The following TMEM204 variants were observed in gnomAD, a reference collection of about 807,000 sequenced individuals.
TMEM204 encodes transmembrane protein 204.
A neutral mutation model predicts 19.4 loss-of-function variants in TMEM204; 15 were observed. The observed-to-expected ratio is 0.77, with a 90% CI of 0.52 to 1.19. The LOEUF (loss-of-function observed/expected upper bound fraction) is 1.19, where lower values mean the gene tolerates loss of function less well. Ranked by LOEUF, TMEM204 falls within the 50% of genes most tolerant of loss-of-function variation. TMEM204 has a pLI of 0.00. For synonymous variants in TMEM204, 161 were observed against 146.0 expected (o/e 1.10, Z -0.74); for missense variants, 287 against 321.2 (o/e 0.89, Z 0.81).
At chr16:1,536,565 G>A (rs1018198400) in intron 1 of TMEM204, among the ~76,000 whole-genome samples, 4 of 152,190 alleles carry the variant, frequency 2.6e-5, no homozygotes, top group Non-Finnish European at 4.4e-5. Context: ...TTGTAAACGG[G>A]ACTCAGCTCA....
At chr16:1,530,531 C>T (rs565194114), upstream of TMEM204, among the ~76,000 whole-genome samples, 4 of 152,330 alleles carry the variant, frequency 2.6e-5, no homozygotes, top group Admixed American at 6.5e-5. Flanking sequence ...ACCTGCCCCG[C>T]GTGGCTCCTT....
At chr16:1,548,131 T>C (rs1192094763) in intron 2 of TMEM204, among the ~76,000 whole-genome samples, 4 of 152,238 alleles carry the variant, frequency 2.6e-5, no homozygotes, top group Admixed American at 6.5e-5. Flanking sequence ...AGAGGATTGT[T>C]TGGGTCACCG....
chr16:1,541,849 G>C, intron 1 of TMEM204, 72 bp from the exon 2 acceptor site: 1 of 1,477,170 alleles, frequency 6.8e-7, no homozygotes, highest in Non-Finnish European at 9.0e-7. Flanking sequence ...GACCACGAAA[G>C]TGGCGTGACG....
At position 1,555,516 on chromosome 16, in the gene TMEM204, G is replaced by A. The variant is rs560420280; in HGVS notation, c.*490G>A. 5.0e-5 allele frequency: 8 copies of A among 160,314 alleles called. No homozygotes were observed. The highest frequency in any genetic ancestry group is 1.1e-4 in the Non-Finnish European group (8 of 73,136). 9.9% of individuals were successfully genotyped at this position (160,314 alleles called of 1,614,324 possible). A position where few individuals can be genotyped will look rare whatever the true frequency, so the allele number is the denominator to read the frequency against. On this transcript the variant is annotated 3_prime_UTR_variant, in exon 3 of 3. Transcript: ENST00000566264. ...GATGGTTTCAGACAGAATCGTGTTC[G>A]TGTCTGTTTTGCTCGATTCTTTTCC... is the stretch of plus-strand genomic sequence containing the variant.
intron 1 of TMEM204, chr16:1,540,879 C>T: frequency 1.0e-6 from 1 of 985,444 alleles, no homozygotes; most frequent in Non-Finnish European, 1.2e-6. Flanking sequence ...GGGGCTGTTG[C>T]TTCACATGCA....
chr16:1,537,208 G>A (rs934628808), intron 1 of TMEM204, among the ~76,000 whole-genome samples: 2 of 151,416 alleles, frequency 1.3e-5, no homozygotes, highest in South Asian at 2.1e-4. Context: ...ACGTCACACC[G>A]CGTGCCTCCT....
At chr16:1,530,133 CTTTTTT>C (rs922819138), upstream of TMEM204, among the ~76,000 whole-genome samples, 2 of 88,584 alleles carry the variant, frequency 2.3e-5, no homozygotes, top group East Asian at 3.5e-4. Flanking sequence ...CGACGGGAAT[CTTTTTT>C]TTTTTTTTTT....
At chr16:1,531,833 C>G (rs982167808), upstream of TMEM204, 4 of 152,190 alleles carry the variant, frequency 2.6e-5, no homozygotes, top group African/African-American at 9.7e-5. The surrounding 1 kb of genome is among the most constrained non-coding windows in gnomAD (Gnocchi z 4.7). Flanking sequence ...GGAGTCTGGC[C>G]GTGGCCTCCT....
chr16:1,554,121 G>C (rs1396366112), intron 2 of TMEM204: 15 of 1,287,200 alleles, frequency 1.2e-5, no homozygotes, highest in Non-Finnish European at 1.4e-5. Context: ...TGACTCGGAA[G>C]TGAGGGAAGA....
At chr16:1,545,326 T>A (rs1337751786) in intron 2 of TMEM204, among the ~76,000 whole-genome samples, 1 of 152,136 alleles carries the variant, frequency 6.6e-6, no homozygotes, top group Admixed American at 6.5e-5. Flanking sequence ...GGGCCCCTGG[T>A]GTCTCGGTGG....
intron 1 of TMEM204, among the ~76,000 whole-genome samples, chr16:1,536,865 G>A (rs991883061): frequency 1.3e-5 from 2 of 152,168 alleles, no homozygotes; most frequent in Non-Finnish European, 1.5e-5. Context: ...CCCCACTCAC[G>A]TGCACCCATG....
chr16:1,542,255 G>C (rs1477196404), intron 2 of TMEM204, among the ~76,000 whole-genome samples, 179 bp downstream of exon 2: 1 of 152,258 alleles, frequency 6.6e-6, no homozygotes, highest in South Asian at 2.1e-4. Context: ...CTGTAGGCAA[G>C]AATGATGAAA....
chr16:1,537,987 G>A (rs554149235), intron 1 of TMEM204, among the ~76,000 whole-genome samples: 2 of 152,234 alleles, frequency 1.3e-5, no homozygotes, highest in Non-Finnish European at 2.9e-5. Flanking sequence ...CGTTCTCACC[G>A]ACACCTTTAA....
chr16:1,544,453 A>G (rs547035286), intron 2 of TMEM204, among the ~76,000 whole-genome samples: 254 of 148,066 alleles, frequency 1.7e-3, no homozygotes, highest in African/African-American at 5.7e-3. Context: ...CCAAAGTGCT[A>G]GGATTATAGG....
In TMEM204 at chr16:1,534,416, G is replaced by T. The variant is rs1368748141; in HGVS notation, c.141G>T (p.Arg47Ser). ...GCAGGCGCAGCGTGGGGCTGTGGAG[G>T]TCCTGCTGGCTGGTGGACAGGACCC... ...DGRRRSVGLW[R>S]SCWLVDRTRG... The change falls in exon 1 of 3, where the codon AGG becomes AGT. Residue 47 changes from arginine (R) to serine (S), a missense_variant. Arg to Ser is a moderately radical substitution (Grantham distance 110). Transcript: ENST00000566264. 1 of 1,612,592 alleles carries T rather than the reference G, an allele frequency of 6.2e-7. No individual in the cohort carries two copies. The highest frequency in any genetic ancestry group is 8.5e-7 in the Non-Finnish European group (1 of 1,179,830).
rs1051882969 is a variant in TMEM204 at position 1,553,606 on chromosome 16, T to C, written c.437-1176T>C. The C allele has an allele frequency of 4.9e-5, 50 of 1,026,746 alleles. No homozygotes were observed. In the South Asian group the frequency reaches 1.8e-3, roughly 36 times the overall value. The allele number at this position is 1,026,746 out of a possible 1,614,324, so 63.6% of individuals were successfully genotyped here. A position where few individuals can be genotyped will look rare whatever the true frequency, so the allele number is the denominator to read the frequency against. On this transcript the variant is annotated intron_variant, in intron 2 of 2. Coordinates refer to ENST00000566264, the MANE Select transcript of TMEM204 (RefSeq NM_024600.6). This position sits in a 1 kb window ranked among gnomAD's most constrained non-coding sequence, Gnocchi z 4.4. ...TACAGAGAGTCTCTGGCACTTTGGG[T>C]ACAAGAAACAGACTCACTCAGGTTA...
intron 1 of TMEM204, among the ~76,000 whole-genome samples, chr16:1,539,688 G>A (rs1039341640): frequency 1.3e-5 from 2 of 152,248 alleles, no homozygotes; most frequent in African/African-American, 4.8e-5. Flanking sequence ...ACGCTCACTG[G>A]GGTGTCTGTT....
upstream of TMEM204, among the ~76,000 whole-genome samples, chr16:1,530,131 A>ATTTTTTTTTTTTTTT (rs2030295926): frequency 1.6e-5 from 2 of 126,536 alleles, no homozygotes; most frequent in Non-Finnish European, 1.6e-5. Context: ...CACGACGGGA[A>ATTTTTTTTTTTTTTT]TCTTTTTTTT....
Position 1,553,294 on chromosome 16 carries a change from GTC to G in TMEM204, c.437-1482_437-1481del, listed in dbSNP as rs1244777419. On this transcript the variant is annotated intron_variant, in intron 2 of 2. Coordinates refer to ENST00000566264, the MANE Select transcript of TMEM204 (RefSeq NM_024600.6). The surrounding 1 kb of genome is among the most constrained non-coding windows in gnomAD (Gnocchi z 4.4). ...TCTCTGTCTCTCTGTGTCTCTGCCT[GTC>G]TCTCTGTGTCTCTGTCTCTGTGTCT... 4 of 981,870 alleles carry G rather than the reference GTC, an allele frequency of 4.1e-6. No individual in the cohort carries two copies. Among genetic ancestry groups the G allele is most frequent in the African/African-American group, 1.8e-5 (1 of 57,042 alleles). 60.8% of individuals were successfully genotyped at this position (981,870 alleles called of 1,614,324 possible).
Sources: allele counts gnomAD v4.1 joint callset (sites outside exome capture counted in the v4.1 genomes callset), GRCh38; gene constraint gnomAD v4.1.1; non-coding constraint Gnocchi (gnomAD v3.1); transcripts MANE v1.5; gene names NCBI Gene and HGNC (gene_info 2026-07-23, HGNC 2026-07-21).